LINGO2: variants seen among roughly 807,000 people sequenced by gnomAD.
LINGO2 encodes leucine rich repeat and Ig domain containing 2.
Under a neutral mutation model 30.6 loss-of-function variants are expected in LINGO2, and 14 were observed. The ratio of observed to expected loss-of-function variants is 0.46; its 90% CI spans 0.30 to 0.72. The LOEUF is 0.72. Ranked by LOEUF, LINGO2 falls within the 30% of genes least tolerant of loss-of-function variation. The pLI is 0.07. For missense variants in LINGO2, 729 were observed against 751.7 expected, an observed-to-expected ratio of 0.97 and a Z score of 0.35; for synonymous variants, 317 against 288.5, an observed-to-expected ratio of 1.10 and a Z score of -1.00.
intron 1 of LINGO2, among the ~76,000 whole-genome samples, chr9:28,593,865 A>C (rs1274899655): frequency 6.6e-6 from 1 of 152,088 alleles, no homozygotes; most frequent in Non-Finnish European, 1.5e-5. Context: ...GAAAAAGTTA[A>C]CCAGCTGCTA....
rs186735504 is a variant in LINGO2, at chr9:28,486,377, G to A, written c.-364-10352C>T. ...GCAAATGACTGATAGAAAGTAATAG[G>A]TGCTAAGTAAATACTAAGTAATTGA... On this transcript the variant is annotated intron_variant, in intron 1 of 5. Transcript: ENST00000379992. Among the ~76,000 whole-genome samples the A allele has an allele frequency of 2.1e-3, 323 of 152,212 alleles. 1 individual carries two copies. The highest frequency in any genetic ancestry group is 7.5e-3 in the African/African-American group (311 of 41,540).
At chr9:27,982,052 C>G (rs1820906027) in intron 5 of LINGO2, among the ~76,000 whole-genome samples, 2 of 151,790 alleles carry the variant, frequency 1.3e-5, no homozygotes, top group African/African-American at 4.8e-5. Flanking sequence ...TGAAAACTGA[C>G]TTTTCCTTCC....
At chr9:29,090,871 T>C in the LINGO2 span, among the ~76,000 whole-genome samples, 7 of 152,162 alleles carry the variant, frequency 4.6e-5, no homozygotes, top group Admixed American at 2.6e-4. Context: ...ATTATATGTA[T>C]CTAGGAGTAA....
the LINGO2 span, among the ~76,000 whole-genome samples, chr9:29,106,356 T>A: frequency 6.6e-6 from 1 of 152,160 alleles, no homozygotes; most frequent in Admixed American, 6.6e-5. Context: ...GAGCTATACA[T>A]GGCATGGATA....
chr9:28,510,893 T>G (rs1820356580), intron 1 of LINGO2, among the ~76,000 whole-genome samples: 1 of 152,064 alleles, frequency 6.6e-6, no homozygotes, highest in African/African-American at 2.4e-5. Context: ...GTCCCAAAAC[T>G]GAAGAACTTG....
At chr9:28,330,899 T>G (rs1336466928) in intron 3 of LINGO2, among the ~76,000 whole-genome samples, 2 of 152,132 alleles carry the variant, frequency 1.3e-5, no homozygotes, top group Non-Finnish European at 2.9e-5. Flanking sequence ...TTCTGCCTCA[T>G]TCAAAAAATA....
chr9:28,673,199 G>A (rs1422400934), upstream of LINGO2, among the ~76,000 whole-genome samples: 10 of 152,030 alleles, frequency 6.6e-5, no homozygotes, highest in Non-Finnish European at 1.5e-4. Context: ...AATCAAAGCT[G>A]TAATTCCTAA....
the LINGO2 span, among the ~76,000 whole-genome samples, chr9:29,092,644 A>T: frequency 2.8e-5 from 4 of 140,500 alleles, 1 homozygote; most frequent in South Asian, 6.6e-4. Context: ...AAAGATGTTA[A>T]AGTGTATATG....
chr9:28,444,443 A>T (rs1160785789), intron 2 of LINGO2, among the ~76,000 whole-genome samples: 1 of 152,218 alleles, frequency 6.6e-6, no homozygotes, highest in Non-Finnish European at 1.5e-5. Flanking sequence ...CAGCAGGACT[A>T]AAAGAGCTGT....
At chr9:28,086,648 G>T (rs1254276136) in intron 4 of LINGO2, among the ~76,000 whole-genome samples, 1 of 148,656 alleles carries the variant, frequency 6.7e-6, no homozygotes, top group Non-Finnish European at 1.5e-5. Flanking sequence ...GGTCTTGATG[G>T]CAAATTTTTA....
chr9:28,995,688 C>T, the LINGO2 span, among the ~76,000 whole-genome samples: 2 of 152,062 alleles, frequency 1.3e-5, no homozygotes, highest in African/African-American at 4.8e-5. Flanking sequence ...TACTATGCAG[C>T]CATAAAAAAT....
intron 1 of LINGO2, among the ~76,000 whole-genome samples, chr9:28,584,389 T>A (rs945523997): frequency 6.6e-6 from 1 of 152,082 alleles, no homozygotes; most frequent in Non-Finnish European, 1.5e-5. Context: ...TAAACAAAAA[T>A]GCCCCCCAAA....
chr9:28,422,575 G>A (rs1377919200), intron 2 of LINGO2, among the ~76,000 whole-genome samples: 3 of 151,968 alleles, frequency 2.0e-5, no homozygotes, highest in Non-Finnish European at 4.4e-5. Flanking sequence ...CAGTTAGTAG[G>A]GGTGTAAAAT....
chr9:29,147,169 T>G, the LINGO2 span, among the ~76,000 whole-genome samples: 1 of 152,102 alleles, frequency 6.6e-6, no homozygotes, highest in Admixed American at 6.5e-5. Context: ...ATATTTAGTA[T>G]TAAATGTTTT....
intron 4 of LINGO2, among the ~76,000 whole-genome samples, chr9:28,077,471 T>A (rs2133201971): frequency 6.6e-6 from 1 of 152,346 alleles, no homozygotes; most frequent in Non-Finnish European, 1.5e-5. Context: ...TCACATTTTA[T>A]TCACTCATGG....
chr9:28,381,743 G>A (rs555412698), intron 2 of LINGO2, among the ~76,000 whole-genome samples: 151 of 152,104 alleles, frequency 9.9e-4, no homozygotes, highest in African/African-American at 3.5e-3. Flanking sequence ...GGAGAAAGGT[G>A]GTCTTGTACT....
intron 1 of LINGO2, among the ~76,000 whole-genome samples, chr9:28,627,916 G>T (rs947596326): frequency 1.3e-5 from 2 of 152,006 alleles, no homozygotes; most frequent in South Asian, 2.1e-4. Context: ...TGACCTTGGA[G>T]AGCTATATTT....
At chr9:28,943,620 C>T in the LINGO2 span, among the ~76,000 whole-genome samples, 3 of 152,122 alleles carry the variant, frequency 2.0e-5, no homozygotes, top group Admixed American at 2.0e-4. Flanking sequence ...TTCCTATTGT[C>T]TTTTATTTGC....
chr9:29,102,543 T>A, the LINGO2 span, among the ~76,000 whole-genome samples: 3 of 152,166 alleles, frequency 2.0e-5, no homozygotes, highest in Non-Finnish European at 2.9e-5. Context: ...ACATGGTGAT[T>A]ATAAGAATAA....
Sources: allele counts gnomAD v4.1 joint callset (sites outside exome capture counted in the v4.1 genomes callset), GRCh38; gene constraint gnomAD v4.1.1; transcripts MANE v1.5; gene names NCBI Gene and HGNC (gene_info 2026-07-23, HGNC 2026-07-21).